Variants in RGSL1 observed in about 807,000 individuals in gnomAD.
The protein encoded by RGSL1 is regulator of G protein signaling like 1, also known as regulator of G protein signaling protein-like.
In RGSL1, 97 loss-of-function variants were observed where a neutral mutation model predicts 124.7. The observed-to-expected ratio is 0.78, with a 90% CI of 0.66 to 0.92. The LOEUF (loss-of-function observed/expected upper bound fraction) is 0.92. RGSL1 is among the 40% of genes least tolerant of loss of function. RGSL1 has a pLI of 0.00. For synonymous variants in RGSL1, 424 were observed against 438.1 expected, an observed-to-expected ratio of 0.97 and a Z score of 0.40; for missense variants, 1,233 against 1,288.4, an observed-to-expected ratio of 0.96 and a Z score of 0.66.
chr1:182,534,193 G>A (rs888454552), intron 14 of RGSL1, among the ~76,000 whole-genome samples: 6 of 152,190 alleles, frequency 3.9e-5, no homozygotes, highest in Non-Finnish European at 8.8e-5. Context: ...GTTAAAAACA[G>A]TTAAATTTTG....
intron 15 of RGSL1, among the ~76,000 whole-genome samples, chr1:182,544,598 A>G (rs369095371): frequency 5.3e-5 from 8 of 151,610 alleles, no homozygotes; most frequent in African/African-American, 1.9e-4. Context: ...GGGTATTGAA[A>G]TTCCTGCTAT....
intron 5 of RGSL1, 58 bp downstream of exon 5, chr1:182,472,615 T>C: frequency 2.8e-6 from 4 of 1,453,326 alleles, no homozygotes; most frequent in Non-Finnish European, 2.8e-6. Flanking sequence ...ATCCAGTGTC[T>C]GATAATCCTC....
chr1:182,473,655 G>T lies in RGSL1; in HGVS notation c.544G>T (p.Ala182Ser). 6.4e-7 allele frequency: 1 copy of T among 1,551,612 alleles called. No homozygotes were observed. The change falls in exon 6 of 22, where the codon GCT (alanine) becomes TCT (serine). Residue 182 changes from alanine to serine, a missense_variant. Physicochemically the swap from Ala to Ser is moderately conservative, Grantham distance 99. Coordinates refer to ENST00000294854, the MANE Select transcript of RGSL1 (RefSeq NM_001137669.2). ...REILSHMQKV[A>S]LFKLQSYWLP... Reference sequence around the variant, plus strand: ...GATCCTGAGCCACATGCAGAAAGTGGCTCTGTTCAAACTCCAGAGCTATTG... The same window carrying T: ...GATCCTGAGCCACATGCAGAAAGTGTCTCTGTTCAAACTCCAGAGCTATTG...
At chr1:182,458,837 T>C (rs1171703180) in intron 3 of RGSL1, among the ~76,000 whole-genome samples, 1 of 152,212 alleles carries the variant, frequency 6.6e-6, no homozygotes, top group African/African-American at 2.4e-5. Context: ...AGGGTAACTA[T>C]AGGAGAAACT....
intron 10 of RGSL1, among the ~76,000 whole-genome samples, chr1:182,525,024 G>A (rs2102248144): frequency 6.6e-6 from 1 of 152,198 alleles, no homozygotes; most frequent in African/African-American, 2.4e-5. Context: ...AGAAAAAACT[G>A]AGCAGACACT....
intron 8 of RGSL1, among the ~76,000 whole-genome samples, chr1:182,489,583 T>A (rs2102096818): frequency 6.6e-6 from 1 of 152,324 alleles, no homozygotes; most frequent in Non-Finnish European, 1.5e-5. Flanking sequence ...TCCTCCAGAA[T>A]AGGGTCCAAG....
At chr1:182,454,089 G>A in intron 2 of RGSL1, 49 bp downstream of exon 2, 1 of 1,098,846 alleles carries the variant, frequency 9.1e-7, no homozygotes, top group South Asian at 1.3e-5. Flanking sequence ...CAGCTGAATA[G>A]TGAATCTCAC....
intron 6 of RGSL1, among the ~76,000 whole-genome samples, chr1:182,485,191 G>C (rs771513975): frequency 1.3e-5 from 2 of 152,132 alleles, no homozygotes; most frequent in African/African-American, 4.8e-5. Flanking sequence ...TTTCACAATA[G>C]GAAGAAGTTC....
intron 15 of RGSL1, among the ~76,000 whole-genome samples, chr1:182,541,175 C>A (rs10752877): frequency 0.52 from 78,693 of 151,908 alleles, 20,640 homozygotes; most frequent in Non-Finnish European, 0.55. Context: ...TGAGCCATTG[C>A]ACACTAGGTC....
chr1:182,528,376 A>G (rs1281315530), intron 11 of RGSL1, among the ~76,000 whole-genome samples: 1 of 152,112 alleles, frequency 6.6e-6, no homozygotes, highest in Non-Finnish European at 1.5e-5. Context: ...TCAAAACACA[A>G]TCATGCCCTT....
Position 182,560,311 on chromosome 1 carries a change from G to A in RGSL1, c.*198G>A, listed in dbSNP as rs1055284790. The A allele has an allele frequency of 6.6e-6, 1 of 152,194 alleles. No individual in the cohort carries two copies. Among genetic ancestry groups the A allele is most frequent in the East Asian group, 1.9e-4 (1 of 5,192 alleles). The allele number at this position is 152,194 out of a possible 1,614,324, so 9.4% of individuals were successfully genotyped here. ...ATACAGCCCATTCAGACTAAAGGGT[G>A]ATGGAAAGAAGCAGAGGAAAGCAGA... is the stretch of plus-strand genomic sequence containing the variant. On this transcript the variant is annotated 3_prime_UTR_variant, in exon 22 of 22. Coordinates refer to ENST00000294854, the MANE Select transcript of RGSL1 (RefSeq NM_001137669.2).
At chr1:182,506,511 TG>T (rs869117986) in intron 9 of RGSL1, among the ~76,000 whole-genome samples, 1 of 43,994 alleles carries the variant, frequency 2.3e-5, no homozygotes, top group Admixed American at 2.0e-4. Flanking sequence ...TAACACTTCC[TG>T]CTTTATAGTC....
At chr1:182,548,586 T>C (rs1353207468) in intron 16 of RGSL1, 114 bp from the exon 17 acceptor site, 5 of 1,509,818 alleles carry the variant, frequency 3.3e-6, no homozygotes, top group Non-Finnish European at 4.4e-6. Flanking sequence ...AGCAACTCCA[T>C]GAAAACCGTA....
At chr1:182,457,305 C>G (rs1028143699) in intron 2 of RGSL1, among the ~76,000 whole-genome samples, 1 of 152,132 alleles carries the variant, frequency 6.6e-6, no homozygotes, top group African/African-American at 2.4e-5. Flanking sequence ...GGTAGTGAAA[C>G]TGCTTCCAAA....
chr1:182,508,627 T>C (rs897407843), intron 9 of RGSL1, among the ~76,000 whole-genome samples: 8 of 151,660 alleles, frequency 5.3e-5, no homozygotes, highest in African/African-American at 1.9e-4. Context: ...ATTTCTCTGA[T>C]GATTAGTGAT....
chr1:182,450,259 A>T, intron 1 of RGSL1, 81 bp downstream of exon 1: 1 of 1,498,626 alleles, frequency 6.7e-7, no homozygotes, highest in Non-Finnish European at 9.1e-7. Context: ...TTGTTAATAG[A>T]TCTGAGCCAT....
At position 182,554,897 on chromosome 1, in the gene RGSL1, A is replaced by T; in HGVS notation, c.3197+204A>T. 3 of 569,638 alleles carry T rather than the reference A, an allele frequency of 5.3e-6. No homozygotes were observed. The East Asian group carries it at 8.7e-5, about 17-fold the overall frequency. 35.3% of individuals were successfully genotyped at this position (569,638 alleles called of 1,614,324 possible). On this transcript the variant is annotated intron_variant, in intron 20 of 21. Transcript: ENST00000294854. Reference sequence around the variant, plus strand: ...GGGTCCTTTCTCACCTCCAACTAGGACAGGCACTTTTAAGAAGTTGGAGTC... The same window carrying T: ...GGGTCCTTTCTCACCTCCAACTAGGTCAGGCACTTTTAAGAAGTTGGAGTC...
intron 21 of RGSL1, among the ~76,000 whole-genome samples, chr1:182,557,858 C>G (rs1660951929): frequency 6.6e-6 from 1 of 152,176 alleles, no homozygotes; most frequent in South Asian, 2.1e-4. Flanking sequence ...TGTTCTAATG[C>G]CAGTTAGTCT....
Position 182,493,094 on chromosome 1 carries a change from A to C in RGSL1, c.1790A>C (p.Asp597Ala). 6.4e-7 allele frequency: 1 copy of C among 1,551,614 alleles called. No homozygotes were observed. Among genetic ancestry groups the C allele is most frequent in the South Asian group, 1.2e-5 (1 of 84,068 alleles). The part of the protein sequence containing the change: ...PKMAIQKISD[D>A]YKIYCEKAPK... Reference sequence around the variant, plus strand: ...ATGGCCATACAGAAGATCAGTGATGACTACAAAATATACTGTGAGAAAGCA... The same window carrying C: ...ATGGCCATACAGAAGATCAGTGATGCCTACAAAATATACTGTGAGAAAGCA... The change falls in exon 9 of 22, where the codon GAC (aspartate) becomes GCC (alanine). Residue 597 changes from aspartate to alanine, a missense_variant. By Grantham distance (126) the Asp-to-Ala change is moderately radical. Transcript: ENST00000294854.
Sources: gnomAD v4.1 joint callset for allele counts (sites outside exome capture counted in the v4.1 genomes callset) on GRCh38, gnomAD v4.1.1 for gene constraint, MANE v1.5 for transcripts, NCBI Gene and HGNC (gene_info 2026-07-23, HGNC 2026-07-21) for gene names.